The following GMDS variants were observed in gnomAD, a reference collection of about 807,000 sequenced individuals.
GMDS encodes GDP-mannose 4,6-dehydratase, also known as GDP-mannose 4,6 dehydratase.
GMDS carries 20 observed loss-of-function variants against 49.9 expected under a neutral mutation model. The observed-to-expected ratio is 0.40, with a 90% CI of 0.28 to 0.58. The LOEUF (loss-of-function observed/expected upper bound fraction) is 0.58. Ranked by LOEUF, GMDS falls within the 20% of genes least tolerant of loss-of-function variation. The pLI is 0.42. For synonymous variants in GMDS, 177 were observed against 178.6 expected (o/e 0.99, Z 0.07); for missense variants, 362 against 481.4 (o/e 0.75, Z 2.32).
At chr6:1,641,697 G>A (rs1027054191) in intron 9 of GMDS, among the ~76,000 whole-genome samples, 2 of 149,820 alleles carry the variant, frequency 1.3e-5, no homozygotes, top group African/African-American at 5.0e-5. Flanking sequence ...CGCGTCTCTC[G>A]GATGATTTCT....
intron 4 of GMDS, among the ~76,000 whole-genome samples, chr6:2,000,957 C>T (rs1056882317): frequency 6.6e-6 from 1 of 152,182 alleles, no homozygotes; most frequent in Non-Finnish European, 1.5e-5. Context: ...CTGCTATAAA[C>T]ATTCTTGTTT....
chr6:2,163,440 A>T (rs80155134), intron 1 of GMDS, among the ~76,000 whole-genome samples: 11 of 126,510 alleles, frequency 8.7e-5, no homozygotes, highest in African/African-American at 5.6e-4. Context: ...TGTGTGTGAG[A>T]GAGAGAGAGA....
intron 4 of GMDS, among the ~76,000 whole-genome samples, chr6:2,037,368 C>T (rs1769364196): frequency 6.6e-6 from 1 of 152,200 alleles, no homozygotes; most frequent in South Asian, 2.1e-4. Flanking sequence ...ATAAACCATT[C>T]CCACTGAAGT....
chr6:1,921,013 C>T (rs892190308), intron 7 of GMDS, among the ~76,000 whole-genome samples: 6 of 152,100 alleles, frequency 3.9e-5, no homozygotes, highest in African/African-American at 1.4e-4. Context: ...CATCAATGAG[C>T]GTGACTAAAG....
At chr6:1,711,046 C>T (rs75043993) in intron 9 of GMDS, among the ~76,000 whole-genome samples, 5,244 of 152,270 alleles carry the variant, frequency 0.034, 204 homozygotes, top group Admixed American at 0.087. Flanking sequence ...TTGTTTTCTC[C>T]GCATGGACAG....
intron 4 of GMDS, among the ~76,000 whole-genome samples, chr6:2,112,409 C>T (rs1774598042): frequency 6.6e-6 from 1 of 152,072 alleles, no homozygotes; most frequent in Non-Finnish European, 1.5e-5. Context: ...TTTGGATAAA[C>T]CAAGAAACCT....
At chr6:2,152,741 AT>A (rs1240596553) in intron 1 of GMDS, among the ~76,000 whole-genome samples, 1 of 152,084 alleles carries the variant, frequency 6.6e-6, no homozygotes, top group Non-Finnish European at 1.5e-5. Flanking sequence ...TGACAAAATT[AT>A]ATGTTGGAGT....
At chr6:2,029,002 T>G (rs1403661368) in intron 4 of GMDS, among the ~76,000 whole-genome samples, 1 of 151,620 alleles carries the variant, frequency 6.6e-6, no homozygotes, top group Non-Finnish European at 1.5e-5. Flanking sequence ...TTTCTTTCTT[T>G]TTTTTTTAAC....
chr6:1,960,883 G>A lies in GMDS; in HGVS notation c.429C>T (p.Gly143=). The part of the protein sequence containing the change: ...LRLLDAVKTC[G]LINSVKFYQA... ...GGTAGAACTTCACAGAGTTGATAAG[G>A]CCACAAGTCTTAACTGCATCTAGAA... The change falls in exon 5 of 11, where the codon GGC becomes GGT. Residue 143 remains glycine (G), a synonymous_variant. Transcript: ENST00000380815. 1.9e-6 allele frequency: 3 copies of A among 1,611,284 alleles called. No individual in the cohort carries two copies. In the South Asian group the frequency reaches 3.3e-5, roughly 18 times the overall value.
At chr6:1,654,479 C>T (rs955972569) in intron 9 of GMDS, among the ~76,000 whole-genome samples, 1 of 152,164 alleles carries the variant, frequency 6.6e-6, no homozygotes, top group African/African-American at 2.4e-5. Context: ...AATCATGCAT[C>T]GACTATGCTG....
chr6:1,985,784 G>T (rs1015679990), intron 4 of GMDS, among the ~76,000 whole-genome samples: 1 of 152,218 alleles, frequency 6.6e-6, no homozygotes. Flanking sequence ...GGGAGCAAGA[G>T]AAGGGTGATT....
At chr6:2,069,371 T>A (rs1437886974) in intron 4 of GMDS, among the ~76,000 whole-genome samples, 2 of 152,152 alleles carry the variant, frequency 1.3e-5, no homozygotes, top group African/African-American at 4.8e-5. Flanking sequence ...GGACTTCATG[T>A]CTAAAACACC....
At chr6:1,737,329 T>C (rs1767033309) in intron 8 of GMDS, among the ~76,000 whole-genome samples, 1 of 152,108 alleles carries the variant, frequency 6.6e-6, no homozygotes, top group African/African-American at 2.4e-5. Context: ...TGACAGAAAA[T>C]TAGTCAAGAC....
At chr6:1,624,700 T>C in intron 9 of GMDS, 160 bp from the exon 10 acceptor site, 3 of 616,826 alleles carry the variant, frequency 4.9e-6, no homozygotes, top group Non-Finnish European at 8.8e-6. Context: ...GTTGCGGCTC[T>C]CGGCGCCGTA....
chr6:2,149,062 C>G (rs536014136), intron 1 of GMDS, among the ~76,000 whole-genome samples: 31 of 152,236 alleles, frequency 2.0e-4, no homozygotes, highest in African/African-American at 7.5e-4. Flanking sequence ...ATGAGGAAAG[C>G]AAGACCTTGA....
chr6:1,868,158 T>C (rs891211443), intron 7 of GMDS, among the ~76,000 whole-genome samples: 2 of 152,080 alleles, frequency 1.3e-5, no homozygotes, highest in Non-Finnish European at 2.9e-5. Context: ...GGCTAATTTT[T>C]ATATTTTTAG....
At position 1,624,201 on chromosome 6, in the gene GMDS, C is replaced by A. The variant is rs149819971; in HGVS notation, c.1087G>T (p.Val363Leu). Reference sequence around the variant, plus strand: ...TTGGGGTTTGTCCTCATGAGCTCCACGTCGGCGTGCACCATCTCCCTCACC... The same window carrying A: ...TTGGGGTTTGTCCTCATGAGCTCCAAGTCGGCGTGCACCATCTCCCTCACC... ...ELVREMVHAD[V>L]ELMRTNPNA The change falls in exon 11 of 11, where the codon GTG becomes TTG. Residue 363 changes from valine to leucine, a missense_variant. Val to Leu is a conservative substitution (Grantham distance 32). Coordinates refer to ENST00000380815, the MANE Select transcript of GMDS (RefSeq NM_001500.4). The A allele has an allele frequency of 3.6e-5, 58 of 1,610,836 alleles. No homozygotes were observed. The African/African-American group carries it at 5.7e-4, about 16-fold the overall frequency.
intron 2 of GMDS, among the ~76,000 whole-genome samples, chr6:2,123,701 T>C (rs947000489): frequency 6.6e-5 from 10 of 152,258 alleles, no homozygotes; most frequent in Non-Finnish European, 1.3e-4. Context: ...CATATGGACA[T>C]ACGTATACAT....
intron 7 of GMDS, among the ~76,000 whole-genome samples, chr6:1,854,970 A>T (rs1046295132): frequency 1.3e-5 from 2 of 152,230 alleles, no homozygotes; most frequent in East Asian, 1.9e-4. Flanking sequence ...AGAGAAGAAA[A>T]GTCTGTGGGT....
Sources: allele counts gnomAD v4.1 joint callset (sites outside exome capture counted in the v4.1 genomes callset), GRCh38; gene constraint gnomAD v4.1.1; transcripts MANE v1.5; gene names NCBI Gene and HGNC (gene_info 2026-07-23, HGNC 2026-07-21).